SCFD1: variants seen among roughly 807,000 people sequenced by gnomAD.
SCFD1 encodes the protein sec1 family domain containing 1.
In SCFD1, 37 loss-of-function variants were observed where a neutral mutation model predicts 103.2. The ratio of observed to expected loss-of-function variants is 0.36; its 90% CI spans 0.28 to 0.47. The LOEUF (loss-of-function observed/expected upper bound fraction) is 0.47. Ranked by LOEUF, SCFD1 falls within the 20% of genes least tolerant of loss-of-function variation. SCFD1 has a pLI of 1.00. For missense variants in SCFD1, 639 were observed against 761.2 expected (o/e 0.84, Z 1.89); for synonymous variants, 264 against 245.0 (o/e 1.08, Z -0.73).
intron 14 of SCFD1, among the ~76,000 whole-genome samples, chr14:30,684,153 A>C (rs551824085): frequency 6.6e-6 from 1 of 152,322 alleles, no homozygotes; most frequent in Admixed American, 6.5e-5. Flanking sequence ...ATTTTCAAAA[A>C]GCAAACGATG....
chr14:30,729,624 C>T (rs1269096556), intron 23 of SCFD1, among the ~76,000 whole-genome samples: 1 of 152,150 alleles, frequency 6.6e-6, no homozygotes, highest in African/African-American at 2.4e-5. Flanking sequence ...AATCAGGACA[C>T]ATGTGAGTCC....
intron 10 of SCFD1, among the ~76,000 whole-genome samples, chr14:30,660,679 A>G (rs1173587805): frequency 1.3e-5 from 2 of 152,086 alleles, no homozygotes; most frequent in Non-Finnish European, 2.9e-5. Context: ...AATTTTCAGA[A>G]TTAGTGAGTA....
At chr14:30,659,506 T>C (rs898005954) in intron 10 of SCFD1, among the ~76,000 whole-genome samples, 2 of 152,146 alleles carry the variant, frequency 1.3e-5, no homozygotes, top group African/African-American at 4.8e-5. Context: ...CTTTTAGAGA[T>C]TGAATGAATT....
rs117124875 is a variant in SCFD1 at position 30,664,544 on chromosome 14, A to G, written c.856-5712A>G. ...GCAACGGAACAAAGCTGGACGGAGAATGATGAGTTGACAGAAGTAGGCTTC... is the reference window on the plus strand; with the variant it reads ...GCAACGGAACAAAGCTGGACGGAGAGTGATGAGTTGACAGAAGTAGGCTTC... On this transcript the variant is annotated intron_variant, in intron 10 of 24. Transcript: ENST00000458591. Among the ~76,000 whole-genome samples the G allele has an allele frequency of 1.7e-3, 258 of 152,250 alleles. 3 individuals carry two copies. The East Asian group carries it at 0.042, about 25-fold the overall frequency.
chr14:30,694,585 G>A (rs111544496), intron 14 of SCFD1, among the ~76,000 whole-genome samples, 188 bp from the exon 15 acceptor site: 2 of 152,124 alleles, frequency 1.3e-5, no homozygotes, highest in African/African-American at 4.8e-5. Context: ...GACTGGGTTA[G>A]GAATGAGCCT....
At chr14:30,628,375 CAT>C (rs1320358496) in intron 2 of SCFD1, 96 bp downstream of exon 2, 8 of 722,382 alleles carry the variant, frequency 1.1e-5, no homozygotes, top group Admixed American at 2.7e-5. Flanking sequence ...AGAAGTAACA[CAT>C]ATTAGTTATC....
Position 30,650,602 on chromosome 14 carries a change from C to G in SCFD1, c.707C>G (p.Ala236Gly). Residue 236 changes from alanine (A) to glycine (G), a missense_variant, in exon 9 of 25, where the codon GCA becomes GGA. Transcript: ENST00000458591. Reference protein sequence around the residue: ...DKKLRENLRDARNSLFTGDTL... With the variant: ...DKKLRENLRDGRNSLFTGDTL... ...AAACTTCGAGAAAATCTAAGAGATG[C>G]AAGAAACAGTCTTTTTACAGGTGAT... 2 of 1,610,194 alleles carry G rather than the reference C, an allele frequency of 1.2e-6. No individual in the cohort carries two copies. The highest frequency in any genetic ancestry group is 2.2e-5 in the South Asian group (2 of 90,804).
chr14:30,700,425 C>A (rs1891000459), intron 16 of SCFD1, among the ~76,000 whole-genome samples, 167 bp downstream of exon 16: 1 of 152,210 alleles, frequency 6.6e-6, no homozygotes, highest in Non-Finnish European at 1.5e-5. Context: ...GTAATCCCAA[C>A]ACTTTGGGAG....
intron 4 of SCFD1, among the ~76,000 whole-genome samples, chr14:30,637,187 A>G (rs12882931): frequency 0.27 from 40,532 of 151,834 alleles, 5,894 homozygotes; most frequent in East Asian, 0.62. Flanking sequence ...ATTTATTTCT[A>G]CAATTCTCCC....
chr14:30,721,230 C>T (rs558099825), intron 21 of SCFD1, among the ~76,000 whole-genome samples: 1 of 152,088 alleles, frequency 6.6e-6, no homozygotes, highest in Non-Finnish European at 1.5e-5. Flanking sequence ...TGATAGCCCT[C>T]TTTTCTCAGT....
intron 12 of SCFD1, 32 bp from the exon 13 acceptor site, chr14:30,673,892 G>C: frequency 6.8e-7 from 1 of 1,468,768 alleles, no homozygotes; most frequent in South Asian, 1.1e-5. Context: ...TGGGATTTTT[G>C]AGTAGCTATT....
chr14:30,622,456 T>G, intron 1 of SCFD1, 57 bp downstream of exon 1: 3 of 1,543,292 alleles, frequency 1.9e-6, no homozygotes, highest in Non-Finnish European at 2.6e-6. Context: ...GACATCCTTC[T>G]CCTCTGGTGC....
intron 10 of SCFD1, among the ~76,000 whole-genome samples, chr14:30,660,015 T>C (rs939482045): frequency 6.6e-5 from 10 of 152,322 alleles, no homozygotes; most frequent in East Asian, 1.9e-4. Flanking sequence ...TTTAAAGTTA[T>C]AATTTTACGC....
intron 3 of SCFD1, among the ~76,000 whole-genome samples, chr14:30,631,680 G>A (rs1884148415): frequency 6.6e-6 from 1 of 152,160 alleles, no homozygotes. Flanking sequence ...AAGTTTGTGT[G>A]ATTATATTGC....
chr14:30,734,550 A>G, intron 23 of SCFD1: 1 of 430,224 alleles, frequency 2.3e-6, no homozygotes, highest in South Asian at 3.1e-5. Context: ...GTAATAGGAA[A>G]TGGCACCAAT....
chr14:30,641,854 C>T (rs914657744), intron 6 of SCFD1, among the ~76,000 whole-genome samples: 2 of 152,084 alleles, frequency 1.3e-5, no homozygotes, highest in Admixed American at 6.6e-5. Context: ...TATGTGTTTT[C>T]ACTTTCAGGA....
In SCFD1 at chr14:30,726,055, C is replaced by T. The variant is rs896716323; in HGVS notation, c.1836+3496C>T. On this transcript the variant is annotated intron_variant, in intron 23 of 24. Coordinates refer to ENST00000458591, the MANE Select transcript of SCFD1 (RefSeq NM_016106.4). ...TGGTTGCAATAGACACTTACGCATT[C>T]CACACGCTCTTACCCTTGGTTAAGC... 3.9e-5 allele frequency among the ~76,000 whole-genome samples: 6 copies of T among 152,182 alleles called. No homozygotes were observed. In the East Asian group the frequency reaches 9.6e-4, roughly 24 times the overall value.
chr14:30,653,393 CA>C, intron 9 of SCFD1, 95 bp from the exon 10 acceptor site: 1 of 752,174 alleles, frequency 1.3e-6, no homozygotes, highest in Non-Finnish European at 2.3e-6. Flanking sequence ...TACTATTATT[CA>C]TATCAAAATG....
chr14:30,629,469 C>G (rs1883867089), intron 2 of SCFD1, among the ~76,000 whole-genome samples: 1 of 151,902 alleles, frequency 6.6e-6, no homozygotes, highest in Non-Finnish European at 1.5e-5. Context: ...AGTTAAAAAG[C>G]CCATTTGGAG....
Sources: gnomAD v4.1 joint callset for allele counts (sites outside exome capture counted in the v4.1 genomes callset) on GRCh38, gnomAD v4.1.1 for gene constraint, MANE v1.5 for transcripts, NCBI Gene and HGNC (gene_info 2026-07-23, HGNC 2026-07-21) for gene names.